GABPB1: variants seen among roughly 807,000 people sequenced by gnomAD.
GABPB1 encodes the protein GA-binding protein subunit beta-1.
GABPB1 carries 15 observed loss-of-function variants against 45.9 expected under a neutral mutation model. The ratio of observed to expected loss-of-function variants is 0.33; its 90% CI spans 0.22 to 0.50. GABPB1 has a LOEUF of 0.50. Ranked by LOEUF, GABPB1 falls within the 20% of genes least tolerant of loss-of-function variation. The pLI, the probability that GABPB1 is intolerant of heterozygous loss-of-function variation, is 0.98. For synonymous variants in GABPB1, 143 were observed against 154.4 expected (o/e 0.93, Z 0.55); for missense variants, 252 against 457.5 (o/e 0.55, Z 4.10).
chr15:50,338,815 C>CACTT (rs1421895729), intron 1 of GABPB1, among the ~76,000 whole-genome samples: 2 of 152,182 alleles, frequency 1.3e-5, no homozygotes, highest in African/African-American at 2.4e-5. Flanking sequence ...CTACCACGAT[C>CACTT]ACTTCCTTAT....
chr15:50,327,856 G>C (rs2047822254), intron 1 of GABPB1, among the ~76,000 whole-genome samples: 1 of 151,878 alleles, frequency 6.6e-6, no homozygotes, highest in Non-Finnish European at 1.5e-5. Context: ...CCGAGATCGT[G>C]GCATTATACT....
At chr15:50,345,552 C>T (rs963826165) in intron 1 of GABPB1, among the ~76,000 whole-genome samples, 2 of 152,066 alleles carry the variant, frequency 1.3e-5, no homozygotes, top group African/African-American at 4.8e-5. Context: ...ACAGTGAGAC[C>T]CTGTCTTCGA....
intron 1 of GABPB1, chr15:50,351,905 C>G (rs2048847495): frequency 6.6e-6 from 1 of 152,200 alleles, no homozygotes; most frequent in African/African-American, 2.4e-5. Flanking sequence ...GTAGGCACAT[C>G]AGAGCTATAG....
chr15:50,354,499 G>A, intron 1 of GABPB1: 1 of 449,334 alleles, frequency 2.2e-6, no homozygotes. Context: ...AGCCCGGCGG[G>A]GCCGTCAGGC....
In GABPB1 at chr15:50,300,915, A is replaced by C. The variant is rs763456350; in HGVS notation, c.584-13T>G. On this transcript the variant is annotated splice_polypyrimidine_tract_variant and intron_variant, in intron 5 of 8. Transcript: ENST00000380877. Reference sequence around the variant, plus strand: ...ACACCCGTTTCATCTGTAAGAAAAAAGAAAATAGATTTGAATTTCTAAGGA... The same window carrying C: ...ACACCCGTTTCATCTGTAAGAAAAACGAAAATAGATTTGAATTTCTAAGGA... The C allele has an allele frequency of 4.1e-6, 6 of 1,462,580 alleles. No homozygotes were observed. Among genetic ancestry groups the C allele is most frequent in the African/African-American group, 1.4e-5 (1 of 71,838 alleles). 90.6% of individuals were successfully genotyped at this position (1,462,580 alleles called of 1,614,324 possible).
At chr15:50,335,240 T>C (rs546790213) in intron 1 of GABPB1, among the ~76,000 whole-genome samples, 14 of 152,246 alleles carry the variant, frequency 9.2e-5, no homozygotes, top group African/African-American at 3.1e-4. Flanking sequence ...GATTGGGAGG[T>C]AGGTGATGAA....
At chr15:50,282,560 G>GAAAAAAA (rs552203074) in intron 8 of GABPB1, among the ~76,000 whole-genome samples, 4 of 88,992 alleles carry the variant, frequency 4.5e-5, no homozygotes, top group African/African-American at 1.5e-4. Context: ...CCTTAAAAAA[G>GAAAAAAA]AAAAAAAAAA....
At chr15:50,315,852 A>T (rs2047307476) in intron 1 of GABPB1, among the ~76,000 whole-genome samples, 1 of 152,194 alleles carries the variant, frequency 6.6e-6, no homozygotes, top group Admixed American at 6.5e-5. Flanking sequence ...AGAAGGGAAG[A>T]TCACTTGAGG....
At chr15:50,351,175 T>C (rs974764486) in intron 1 of GABPB1, 4 of 152,244 alleles carry the variant, frequency 2.6e-5, no homozygotes, top group African/African-American at 7.2e-5. Flanking sequence ...TCACTTATGA[T>C]AGTATGCTAC....
At chr15:50,348,302 T>A (rs533088916) in intron 1 of GABPB1, among the ~76,000 whole-genome samples, 5 of 152,268 alleles carry the variant, frequency 3.3e-5, no homozygotes, top group African/African-American at 7.2e-5. Flanking sequence ...TCACCCAGGC[T>A]GCAGTACAGT....
At chr15:50,319,159 C>T (rs2047460611) in intron 1 of GABPB1, among the ~76,000 whole-genome samples, 1 of 152,096 alleles carries the variant, frequency 6.6e-6, no homozygotes, top group African/African-American at 2.4e-5. Context: ...AAAATGGAGA[C>T]CTCTGGGAAA....
At chr15:50,313,900 AATG>A (rs2047217266) in intron 1 of GABPB1, among the ~76,000 whole-genome samples, 1 of 152,148 alleles carries the variant, frequency 6.6e-6, no homozygotes, top group Non-Finnish European at 1.5e-5. Flanking sequence ...CAACTAAGCA[AATG>A]ATAACATTAA....
intron 1 of GABPB1, among the ~76,000 whole-genome samples, chr15:50,348,019 G>A (rs957933704): frequency 5.3e-5 from 7 of 133,260 alleles, no homozygotes; most frequent in African/African-American, 1.8e-4. Flanking sequence ...CTCCAGCCTG[G>A]GTGACAGAGT....
chr15:50,283,800 C>T (rs896127728), intron 8 of GABPB1, among the ~76,000 whole-genome samples: 1 of 152,204 alleles, frequency 6.6e-6, no homozygotes, highest in East Asian at 1.9e-4. Flanking sequence ...GTGTAGGCCA[C>T]CGCACCCAGC....
intron 1 of GABPB1, among the ~76,000 whole-genome samples, chr15:50,332,149 A>G (rs928231122): frequency 6.6e-6 from 1 of 152,078 alleles, no homozygotes; most frequent in African/African-American, 2.4e-5. Context: ...TGCTGAGATT[A>G]TAGGTATGAG....
chr15:50,293,946 A>G (rs1307223449), intron 6 of GABPB1, among the ~76,000 whole-genome samples: 1 of 152,210 alleles, frequency 6.6e-6, no homozygotes, highest in Non-Finnish European at 1.5e-5. Flanking sequence ...CTCTTAAAAG[A>G]TTATTGATTT....
At chr15:50,315,899 A>C (rs2047309293) in intron 1 of GABPB1, among the ~76,000 whole-genome samples, 1 of 152,012 alleles carries the variant, frequency 6.6e-6, no homozygotes, top group African/African-American at 2.4e-5. Context: ...ACATGGTGAA[A>C]CCCCGCCCAT....
chr15:50,325,912 G>GT lies in GABPB1; in HGVS notation c.1-16115dup, dbSNP rs11287439. Among the ~76,000 whole-genome samples the GT allele has an allele frequency of 1.5e-3, 208 of 142,880 alleles. 1 individual carries two copies. Among genetic ancestry groups the GT allele is most frequent in the South Asian group, 3.8e-3 (17 of 4,476 alleles). The allele number at this position is 142,880 out of a possible 152,430, so 93.7% of individuals were successfully genotyped here. A position where few individuals can be genotyped will look rare whatever the true frequency, so the allele number is the denominator to read the frequency against. On this transcript the variant is annotated intron_variant, in intron 1 of 8. Transcript: ENST00000380877. The stretch of plus-strand genomic sequence containing the variant: ...AAAATAAGATATAAGGGTTTTTTTT[G>GT]TTTTTTTTTTTTTAAGACAGAGTCT...
chr15:50,351,550 C>T (rs2048824472), intron 1 of GABPB1: 1 of 152,008 alleles, frequency 6.6e-6, no homozygotes, highest in South Asian at 2.1e-4. Flanking sequence ...CTGCACTAAG[C>T]CTGGGTAACA....
Sources: allele counts gnomAD v4.1 joint callset (sites outside exome capture counted in the v4.1 genomes callset), GRCh38; gene constraint gnomAD v4.1.1; transcripts MANE v1.5; gene names NCBI Gene and HGNC (gene_info 2026-07-23, HGNC 2026-07-21).